The following ALK variants were observed in gnomAD, a reference collection of about 807,000 sequenced individuals.
ALK encodes ALK receptor tyrosine kinase, also known as ALK tyrosine kinase receptor.
In ALK, 74 loss-of-function variants were observed where a neutral mutation model predicts 163.1. The ratio of observed to expected loss-of-function variants is 0.45; its 90% CI spans 0.38 to 0.55. The LOEUF (loss-of-function observed/expected upper bound fraction) is 0.55. Among genes scored for constraint, ALK ranks in the 20% least tolerant of loss-of-function variants. The pLI is 0.00. For missense variants in ALK, 2,063 were observed against 2,105.3 expected (o/e 0.98, Z 0.39); for synonymous variants, 960 against 843.2 (o/e 1.14, Z -2.40).
At chr2:29,547,576 A>G (rs1437610965) in intron 3 of ALK, among the ~76,000 whole-genome samples, 1 of 152,226 alleles carries the variant, frequency 6.6e-6, no homozygotes, top group Non-Finnish European at 1.5e-5. Context: ...TAGCCTGGGC[A>G]ACAGAGTGAG....
At chr2:29,314,485 ATG>A (rs150560729) in intron 8 of ALK, among the ~76,000 whole-genome samples, 4 of 151,790 alleles carry the variant, frequency 2.6e-5, no homozygotes, top group Non-Finnish European at 5.9e-5. Context: ...GCATGTGTGT[ATG>A]TGTGTGTGTG....
chr2:29,210,626 G>T (rs1252119093), intron 24 of ALK, among the ~76,000 whole-genome samples: 2 of 152,122 alleles, frequency 1.3e-5, no homozygotes, highest in Non-Finnish European at 2.9e-5. Context: ...TAGAGACAGG[G>T]TTTCACCAAG....
chr2:29,656,792 T>A (rs546656403), intron 3 of ALK, among the ~76,000 whole-genome samples: 2 of 151,936 alleles, frequency 1.3e-5, no homozygotes, highest in African/African-American at 4.8e-5. Flanking sequence ...CACAGAGAGG[T>A]AGACATGGCG....
intron 5 of ALK, among the ~76,000 whole-genome samples, chr2:29,341,312 A>G (rs896242690): frequency 3.3e-5 from 5 of 152,172 alleles, no homozygotes; most frequent in African/African-American, 1.2e-4. Flanking sequence ...ATTCAGGATG[A>G]TGGCTGCCCA....
intron 1 of ALK, among the ~76,000 whole-genome samples, chr2:29,730,519 C>A (rs575595301): frequency 6.6e-6 from 1 of 152,206 alleles, no homozygotes; most frequent in South Asian, 2.1e-4. Flanking sequence ...TGACACACCC[C>A]ACAAATACAT....
intron 28 of ALK, 71 bp from the exon 29 acceptor site, chr2:29,193,993 G>T: frequency 1.4e-6 from 2 of 1,411,962 alleles, no homozygotes; most frequent in Non-Finnish European, 2.0e-6. Context: ...ATACCTTAGA[G>T]ATGATGTTAT....
chr2:29,847,997 G>A (rs1272924471), intron 1 of ALK, among the ~76,000 whole-genome samples: 1 of 152,088 alleles, frequency 6.6e-6, no homozygotes, highest in Non-Finnish European at 1.5e-5. Flanking sequence ...AATAGGCCCA[G>A]CTAGGGAGCC....
intron 1 of ALK, among the ~76,000 whole-genome samples, chr2:29,785,184 T>C (rs1663975959): frequency 6.6e-6 from 1 of 152,082 alleles, no homozygotes; most frequent in Non-Finnish European, 1.5e-5. Flanking sequence ...GCACTGCTGA[T>C]ATCCTGGTGC....
At chr2:29,717,854 G>A (rs556102263) in intron 1 of ALK, among the ~76,000 whole-genome samples, 157 bp from the exon 2 acceptor site, 2 of 152,294 alleles carry the variant, frequency 1.3e-5, no homozygotes, top group East Asian at 3.9e-4. Flanking sequence ...AGACTGAGTT[G>A]ACCTCAGGAC....
In ALK at chr2:29,232,352, C is replaced by G; in HGVS notation, c.2584G>C (p.Glu862Gln). 1.2e-6 allele frequency: 2 copies of G among 1,614,250 alleles called. No individual in the cohort carries two copies. Among genetic ancestry groups the G allele is most frequent in the South Asian group, 1.1e-5 (1 of 91,078 alleles). ...AGCCCTAGAACCGAGGAGTTATTCT[C>G]CAGTCTCTCTGGGTGGAACGTGTCT... ...KTDTFHPERL[E>Q]NNSSVLGLNG... The change falls in exon 15 of 29, where the codon GAG becomes CAG. Residue 862 changes from glutamate to glutamine, a missense_variant. By Grantham distance (29) the Glu-to-Gln change is conservative. Coordinates refer to ENST00000389048, the MANE Select transcript of ALK (RefSeq NM_004304.5).
At chr2:29,681,943 C>A (rs945034988) in intron 3 of ALK, among the ~76,000 whole-genome samples, 7 of 152,156 alleles carry the variant, frequency 4.6e-5, no homozygotes, top group Non-Finnish European at 8.8e-5. Context: ...CTGGAATTCA[C>A]CTCTCTTATC....
chr2:29,594,521 C>T (rs527668131), intron 3 of ALK, among the ~76,000 whole-genome samples: 6 of 151,308 alleles, frequency 4.0e-5, no homozygotes, highest in East Asian at 2.0e-4. Flanking sequence ...CTCTGCCTCC[C>T]GGGTTCAAGC....
At chr2:29,650,247 T>C (rs1442568446) in intron 3 of ALK, among the ~76,000 whole-genome samples, 1 of 152,186 alleles carries the variant, frequency 6.6e-6, no homozygotes, top group Non-Finnish European at 1.5e-5. Flanking sequence ...TCTAATTCTG[T>C]ATTGGTCTTT....
At chr2:29,350,966 A>G (rs931269560) in intron 5 of ALK, among the ~76,000 whole-genome samples, 3 of 152,204 alleles carry the variant, frequency 2.0e-5, no homozygotes, top group Non-Finnish European at 4.4e-5. Flanking sequence ...TTTTGTGGGA[A>G]TAAGTTTGGG....
intron 4 of ALK, among the ~76,000 whole-genome samples, chr2:29,433,922 T>C (rs748582607): frequency 9.2e-5 from 14 of 152,226 alleles, no homozygotes; most frequent in South Asian, 2.1e-4. Flanking sequence ...TAAGACTTTC[T>C]GGATCTCTTA....
At chr2:29,881,600 G>A (rs958751768) in intron 1 of ALK, among the ~76,000 whole-genome samples, 78 of 152,178 alleles carry the variant, frequency 5.1e-4, no homozygotes, top group African/African-American at 1.8e-3. Context: ...CCTCCTGCGT[G>A]GGCTTTAAAC....
At chr2:29,440,508 G>C (rs1334493957) in intron 4 of ALK, among the ~76,000 whole-genome samples, 1 of 151,762 alleles carries the variant, frequency 6.6e-6, no homozygotes, top group Non-Finnish European at 1.5e-5. Context: ...GTAGAGACAG[G>C]GTTTCACCAT....
intron 3 of ALK, among the ~76,000 whole-genome samples, chr2:29,607,651 G>A (rs940311703): frequency 9.9e-5 from 15 of 152,098 alleles, no homozygotes; most frequent in Admixed American, 3.9e-4. Flanking sequence ...CCTCTTCCAA[G>A]CATCTCTTCT....
rs112828378 is a variant in ALK, at chr2:29,227,584, T to C, written c.2904A>G (p.Pro968=). Residue 968 remains proline (P), a synonymous_variant, in exon 17 of 29, where the codon CCA becomes CCG. Coordinates refer to ENST00000389048, the MANE Select transcript of ALK (RefSeq NM_004304.5). This position sits in a 1 kb window ranked among gnomAD's most constrained non-coding sequence, Gnocchi z 4.4. ...TGGCAGAGAAGCTACCTTTTAAAGCTGGGGTGTACAGGATGCCCAGTGGAC... is the reference window on the plus strand; with the variant it reads ...TGGCAGAGAAGCTACCTTTTAAAGCCGGGGTGTACAGGATGCCCAGTGGAC... ...FISPLGILYT[P]ALKVMEGHGE... 1.4e-5 allele frequency: 22 copies of C among 1,613,838 alleles called. No individual in the cohort carries two copies. In the East Asian group the frequency reaches 4.7e-4, roughly 34 times the overall value.
Sources: allele counts gnomAD v4.1 joint callset (sites outside exome capture counted in the v4.1 genomes callset), GRCh38; gene constraint gnomAD v4.1.1; non-coding constraint Gnocchi (gnomAD v3.1); transcripts MANE v1.5; gene names NCBI Gene and HGNC (gene_info 2026-07-23, HGNC 2026-07-21).